Variants in SORBS2 observed in about 807,000 individuals in gnomAD.
SORBS2 encodes sorbin and SH3 domain containing 2, also known as sorbin and SH3 domain-containing protein 2.
In SORBS2, 46 loss-of-function variants were observed where a neutral mutation model predicts 97.7. The observed-to-expected ratio is 0.47, with a 90% CI of 0.37 to 0.60. SORBS2 has a LOEUF of 0.60. Ranked by LOEUF, SORBS2 falls within the 20% of genes least tolerant of loss-of-function variation. The pLI, the probability that SORBS2 is intolerant of heterozygous loss-of-function variation, is 0.00. For missense variants in SORBS2, 1,316 were observed against 1,282.3 expected, an observed-to-expected ratio of 1.03 and a Z score of -0.40; for synonymous variants, 476 against 473.4, an observed-to-expected ratio of 1.01 and a Z score of -0.07.
At chr4:185,873,787 A>G (rs942344038) in intron 1 of SORBS2, among the ~76,000 whole-genome samples, 25 of 152,198 alleles carry the variant, frequency 1.6e-4, no homozygotes, top group Admixed American at 3.3e-4. Context: ...AAGCCAAAAT[A>G]TGTTAACTAT....
intron 1 of SORBS2, among the ~76,000 whole-genome samples, chr4:185,825,212 G>GTTTT (rs146561971): frequency 6.8e-6 from 1 of 147,522 alleles, no homozygotes; most frequent in African/African-American, 2.5e-5. Flanking sequence ...TCTGTTTTTT[G>GTTTT]TTTTTTTTTT....
intron 1 of SORBS2, among the ~76,000 whole-genome samples, chr4:185,888,834 T>C (rs1388999317): frequency 2.6e-5 from 4 of 152,220 alleles, no homozygotes; most frequent in Non-Finnish European, 5.9e-5. Context: ...GTCCTCATTG[T>C]CTCATCTGAA....
chr4:185,919,983 A>AAT (rs1282567467), intron 1 of SORBS2, among the ~76,000 whole-genome samples: 35 of 152,362 alleles, frequency 2.3e-4, no homozygotes, highest in African/African-American at 8.4e-4. Flanking sequence ...CTTTCTTATT[A>AAT]ATCTTCCTCA....
At position 185,596,696 on chromosome 4, in the gene SORBS2, A is replaced by G. The variant is rs956591422; in HGVS notation, c.2797-2761T>C. On this transcript the variant is annotated intron_variant, in intron 12 of 14. Coordinates refer to ENST00000418609, the Ensembl canonical transcript of SORBS2. ...ACTACAGGCACGCACCACCGTGCCC[A>G]GCTAATTTTTGTATTTTTAGTAGAG... 4.6e-5 allele frequency among the ~76,000 whole-genome samples: 7 copies of G among 151,734 alleles called. No homozygotes were observed. In the East Asian group the frequency reaches 5.8e-4, roughly 13 times the overall value.
intron 1 of SORBS2, chr4:185,656,478 G>A: frequency 3.4e-6 from 1 of 298,114 alleles, no homozygotes; most frequent in Non-Finnish European, 6.0e-6. Flanking sequence ...CCCATTCTTT[G>A]CCTCTATCCC....
intron 4 of SORBS2, among the ~76,000 whole-genome samples, chr4:185,673,664 G>A (rs117663252): frequency 5.1e-4 from 77 of 152,230 alleles, no homozygotes; most frequent in Non-Finnish European, 8.7e-4. Context: ...CTGTTTTATA[G>A]ATGAGAAAAC....
At chr4:185,868,851 CA>C (rs1292502410) in intron 1 of SORBS2, among the ~76,000 whole-genome samples, 1 of 152,190 alleles carries the variant, frequency 6.6e-6, no homozygotes, top group African/African-American at 2.4e-5. Context: ...GACACTTTGT[CA>C]GCTATAAATC....
At chr4:185,913,069 G>A (rs2099256214) in intron 1 of SORBS2, among the ~76,000 whole-genome samples, 1 of 152,178 alleles carries the variant, frequency 6.6e-6, no homozygotes, top group African/African-American at 2.4e-5. Context: ...ATGTCTTGCT[G>A]TGCTGAAATT....
chr4:185,608,072 A>G lies in SORBS2; in HGVS notation c.2796+3708T>C, dbSNP rs191407018. On this transcript the variant is annotated intron_variant, in intron 12 of 14. Transcript: ENST00000418609. ...TCCAGATACTGACTTAGTAGAGTATAAATGACTCCAGAGAAATGTTAATGT... is the reference window on the plus strand; with the variant it reads ...TCCAGATACTGACTTAGTAGAGTATGAATGACTCCAGAGAAATGTTAATGT... Among the ~76,000 whole-genome samples, 3 of 152,316 alleles carry G rather than the reference A, an allele frequency of 2.0e-5. No individual in the cohort carries two copies. The East Asian group carries it at 5.8e-4, about 29-fold the overall frequency.
intron 2 of SORBS2, among the ~76,000 whole-genome samples, chr4:185,731,860 CTCTCTCTATATATATATATATA>C (rs1365630551): frequency 0.047 from 1,618 of 34,120 alleles, 9 homozygotes; most frequent in Middle Eastern, 0.057. Flanking sequence ...CTCTCTCTCT[CTCTCTCTATATATATATATATA>C]TATATATATA....
intron 1 of SORBS2, among the ~76,000 whole-genome samples, chr4:185,860,505 G>A (rs1389488420): frequency 6.6e-6 from 1 of 152,176 alleles, no homozygotes; most frequent in Admixed American, 6.5e-5. Context: ...CGAGAAGAAT[G>A]TTCTTGGTGT....
intron 1 of SORBS2, among the ~76,000 whole-genome samples, chr4:185,901,410 G>A (rs990969910): frequency 6.6e-6 from 1 of 152,082 alleles, no homozygotes; most frequent in Admixed American, 6.6e-5. Flanking sequence ...CTCCATGGTG[G>A]TCAGGCTAAT....
intron 1 of SORBS2, among the ~76,000 whole-genome samples, chr4:185,916,134 T>G (rs2099258023): frequency 1.3e-5 from 2 of 152,222 alleles, no homozygotes; most frequent in South Asian, 4.1e-4. Flanking sequence ...AGAGGGCCAC[T>G]CAGGGTGCAG....
chr4:185,824,478 A>G (rs2099198654), intron 1 of SORBS2, among the ~76,000 whole-genome samples: 1 of 152,190 alleles, frequency 6.6e-6, no homozygotes, highest in African/African-American at 2.4e-5. Flanking sequence ...TAGGACTTCA[A>G]AGTATCTTTT....
At chr4:185,810,888 T>C (rs1237948491) in intron 1 of SORBS2, 1 of 152,196 alleles carries the variant, frequency 6.6e-6, no homozygotes, top group Admixed American at 6.5e-5. Flanking sequence ...CTGAAACCTA[T>C]CTGCTTGTGA....
chr4:185,764,554 T>G (rs2098923203), intron 2 of SORBS2, among the ~76,000 whole-genome samples: 1 of 152,196 alleles, frequency 6.6e-6, no homozygotes, highest in South Asian at 2.1e-4. Context: ...TATGGAAGTA[T>G]AGGCCAAACA....
At chr4:185,943,069 T>A (rs1280323129) in intron 1 of SORBS2, among the ~76,000 whole-genome samples, 3 of 152,234 alleles carry the variant, frequency 2.0e-5, no homozygotes, top group Non-Finnish European at 4.4e-5. Context: ...AACAATAATT[T>A]TTAGAAGGCT....
intron 1 of SORBS2, among the ~76,000 whole-genome samples, chr4:185,896,951 T>C (rs2149817376): frequency 6.6e-6 from 1 of 150,730 alleles, no homozygotes; most frequent in Admixed American, 6.6e-5. Context: ...ACGTCAGTGA[T>C]TGGTTGTATT....
intron 2 of SORBS2, among the ~76,000 whole-genome samples, chr4:185,731,567 TCTCTCTCCTTCC>T (rs1288238502): frequency 5.9e-4 from 48 of 80,796 alleles, no homozygotes; most frequent in African/African-American, 2.1e-3. Flanking sequence ...TCCCTGCCTA[TCTCTCTCCTTCC>T]CTCTCTCCCT....
Sources: allele counts gnomAD v4.1 joint callset (sites outside exome capture counted in the v4.1 genomes callset), GRCh38; gene constraint gnomAD v4.1.1; transcripts MANE v1.5; gene names NCBI Gene and HGNC (gene_info 2026-07-23, HGNC 2026-07-21).